Variants in PIEZO1 observed in about 807,000 individuals in gnomAD.
PIEZO1 encodes piezo-type mechanosensitive ion channel component 1.
In PIEZO1, 296 loss-of-function variants were observed where a neutral mutation model predicts 297.2. The observed-to-expected ratio is 1.00, with a 90% CI of 0.91 to 1.10. The LOEUF (loss-of-function observed/expected upper bound fraction) is 1.10, where lower values mean the gene tolerates loss of function less well. Among genes scored for constraint, PIEZO1 ranks in the 50% least tolerant of loss-of-function variants. PIEZO1 has a pLI of 0.00. For missense variants in PIEZO1, 5,018 were observed against 3,455.5 expected (o/e 1.45, Z -11.34); for synonymous variants, 2,427 against 1,507.5 (o/e 1.61, Z -14.13).
rs1353321450 is a variant in PIEZO1 at position 88,727,613 on chromosome 16, A to C, written c.3245T>G (p.Ile1082Ser). Residue 1082 changes from isoleucine (I) to serine (S), a missense_variant, in exon 23 of 51, where the codon ATC becomes AGC. Coordinates refer to ENST00000301015, the MANE Select transcript of PIEZO1 (RefSeq NM_001142864.4). Reference sequence around the variant, plus strand: ...GAAATCAGGCAGGTACAGCCACTTGATGAGTGCGGAGTTCATGGGGACGGC... The same window carrying C: ...GAAATCAGGCAGGTACAGCCACTTGCTGAGTGCGGAGTTCATGGGGACGGC... ...SRAVPMNSAL[I>S]KWLYLPDFFR... 1 of 1,536,644 alleles carries C rather than the reference A, an allele frequency of 6.5e-7. No homozygotes were observed. The highest frequency in any genetic ancestry group is 1.2e-5 in the South Asian group (1 of 82,780).
At chr16:88,723,762 G>A (rs971735039) in intron 31 of PIEZO1, 109 bp downstream of exon 31, 4 of 648,536 alleles carry the variant, frequency 6.2e-6, no homozygotes, top group Non-Finnish European at 1.1e-5. Context: ...TGGAGGTGGA[G>A]GAGCTCGGCT....
chr16:88,715,757 G>A lies in PIEZO1; in HGVS notation c.7414C>T (p.Pro2472Ser), dbSNP rs752052449. Residue 2472 changes from proline (P) to serine (S), a missense_variant, in exon 51 of 51, where the codon CCG (proline) becomes TCG (serine). Coordinates refer to ENST00000301015, the MANE Select transcript of PIEZO1 (RefSeq NM_001142864.4). ...ISHSIMFEEL[P>S]CVDRILKLCQ... is the part of the protein sequence containing the mutation. ...AGCTTGAGGATGCGGTCCACGCACGGCAGCTCCTCGAACATAATGGAGTGC... is the reference window on the plus strand; with the variant it reads ...AGCTTGAGGATGCGGTCCACGCACGACAGCTCCTCGAACATAATGGAGTGC... 1.9e-5 allele frequency: 29 copies of A among 1,550,312 alleles called. No homozygotes were observed. The highest frequency in any genetic ancestry group is 1.7e-4 in the Middle Eastern group (1 of 6,016).
rs1416167316 is a variant in PIEZO1 at position 88,749,378 on chromosome 16, C to T, written c.160+6G>A. The T allele has an allele frequency of 2.0e-6, 3 of 1,490,870 alleles. No homozygotes were observed. The highest frequency in any genetic ancestry group is 2.9e-5 in the African/African-American group (2 of 70,164). The allele number at this position is 1,490,870 out of a possible 1,614,324, so 92.4% of individuals were successfully genotyped here. On this transcript the variant is annotated splice_donor_region_variant and intron_variant, in intron 2 of 50. Coordinates refer to ENST00000301015, the MANE Select transcript of PIEZO1 (RefSeq NM_001142864.4). ...TGAGAGCGTGGGCAGGGTCCCCTGG[C>T]CTTACCTTGGAGGCCGCATCGGGTG... is the stretch of plus-strand genomic sequence containing the variant.
intron 1 of PIEZO1, among the ~76,000 whole-genome samples, chr16:88,764,946 T>C (rs985836379): frequency 1.3e-5 from 2 of 152,188 alleles, no homozygotes; most frequent in South Asian, 2.1e-4. Flanking sequence ...AGCCTGGCCA[T>C]TGAAAACCTC....
intron 2 of PIEZO1, among the ~76,000 whole-genome samples, chr16:88,749,069 C>G (rs1225178738): frequency 6.6e-6 from 1 of 150,854 alleles, no homozygotes; most frequent in African/African-American, 2.4e-5. Flanking sequence ...AACCCCGTCT[C>G]TACTAAAAAT....
At chr16:88,771,640 A>C (rs1167184888) in intron 1 of PIEZO1, among the ~76,000 whole-genome samples, 2 of 152,216 alleles carry the variant, frequency 1.3e-5, no homozygotes, top group Non-Finnish European at 2.9e-5. Flanking sequence ...CTCAGCCCAC[A>C]GTCAGAGCAG....
At chr16:88,777,617 C>A (rs950879786) in intron 1 of PIEZO1, among the ~76,000 whole-genome samples, 7 of 152,390 alleles carry the variant, frequency 4.6e-5, no homozygotes, top group Admixed American at 3.3e-4. Flanking sequence ...TCAAAACTCC[C>A]TTTCATGTTG....
intron 1 of PIEZO1, among the ~76,000 whole-genome samples, chr16:88,782,958 G>T (rs1374790696): frequency 2.0e-5 from 3 of 152,242 alleles, no homozygotes; most frequent in African/African-American, 7.2e-5. Flanking sequence ...CACAGAATCA[G>T]TGTGGGGTAT....
chr16:88,727,778 C>T (rs1042311992), intron 22 of PIEZO1, 117 bp from the exon 23 acceptor site: 20 of 488,660 alleles, frequency 4.1e-5, no homozygotes, highest in Admixed American at 2.6e-4. Flanking sequence ...GGAATCACCT[C>T]GCGCACACCT....
intron 1 of PIEZO1, among the ~76,000 whole-genome samples, chr16:88,775,561 T>A (rs777027647): frequency 5.9e-5 from 9 of 151,944 alleles, no homozygotes; most frequent in African/African-American, 9.7e-5. Context: ...AAACTCCATC[T>A]CCACTAACAA....
In PIEZO1 at chr16:88,721,741, G is replaced by T; in HGVS notation, c.5215-15C>A. The T allele has an allele frequency of 6.5e-7, 1 of 1,535,880 alleles. No homozygotes were observed. The highest frequency in any genetic ancestry group is 8.8e-7 in the Non-Finnish European group (1 of 1,140,052). On this transcript the variant is annotated splice_polypyrimidine_tract_variant and intron_variant, in intron 37 of 50. Transcript: ENST00000301015. The stretch of plus-strand genomic sequence containing the variant: ...ACCACCGCGATCTGTGGGGGAGGGG[G>T]CTCAGCACGCGGGGAGGGTCACGGC...
At chr16:88,725,547 G>A (rs1347483190) in intron 28 of PIEZO1, 28 bp from the exon 29 acceptor site, 4 of 1,535,332 alleles carry the variant, frequency 2.6e-6, no homozygotes, top group Non-Finnish European at 3.5e-6. Context: ...GGGGTATGCT[G>A]AGCATTGGGG....
At chr16:88,756,644 T>G (rs919194448) in intron 1 of PIEZO1, among the ~76,000 whole-genome samples, 1 of 152,090 alleles carries the variant, frequency 6.6e-6, no homozygotes, top group Non-Finnish European at 1.5e-5. Context: ...GGTGGGTGCC[T>G]GTAGTCCCAG....
intron 1 of PIEZO1, among the ~76,000 whole-genome samples, chr16:88,754,471 C>A (rs1042168970): frequency 3.3e-5 from 5 of 152,214 alleles, no homozygotes; most frequent in African/African-American, 9.6e-5. Context: ...GGATGAGACC[C>A]TTGCAGCTGA....
At chr16:88,719,403 A>G (rs1158314357) in intron 44 of PIEZO1, 171 bp downstream of exon 44, 1 of 628,506 alleles carries the variant, frequency 1.6e-6, no homozygotes, top group Non-Finnish European at 2.8e-6. Context: ...GCAGCTGCCA[A>G]GATCACTGGC....
rs1266729062 is a variant in PIEZO1, at chr16:88,719,709, C to T, written c.6336G>A (p.Val2112=). The T allele has an allele frequency of 5.8e-6, 9 of 1,551,266 alleles. No homozygotes were observed. In the East Asian group the frequency reaches 1.5e-4, roughly 25 times the overall value. Residue 2112 remains valine (V), a synonymous_variant, in exon 44 of 51, where the codon GTG becomes GTA. Transcript: ENST00000301015. Reference sequence around the variant, plus strand: ...CTGCCCGCAGCTCCACCAGGAACGGCACCAGCCGGAACCTGCCCACAGCCA... The same window carrying T: ...CTGCCCGCAGCTCCACCAGGAACGGTACCAGCCGGAACCTGCCCACAGCCA... ...NLFLFQGFRL[V]PFLVELRAVM... is the part of the protein sequence containing the mutation.
At chr16:88,734,201 T>G in intron 16 of PIEZO1, 147 bp from the exon 17 acceptor site, 1 of 1,212,402 alleles carries the variant, frequency 8.2e-7, no homozygotes, top group Non-Finnish European at 1.1e-6. Flanking sequence ...ACTGTCCCTG[T>G]GACCTCCACG....
rs138356935 is a variant in PIEZO1 at position 88,757,705 on chromosome 16, G to A, written c.65-8226C>T. 3.5e-3 allele frequency among the ~76,000 whole-genome samples: 537 copies of A among 152,224 alleles called. 2 individuals carry two copies. The highest frequency in any genetic ancestry group is 0.012 in the African/African-American group (512 of 41,552). On this transcript the variant is annotated intron_variant, in intron 1 of 50. Transcript: ENST00000301015. ...CCTGGCCCTGAAGGAGCCAGGCTGC[G>A]GGCCGGAGCTGGGCCAGCTGCCATG...
intron 2 of PIEZO1, 85 bp from the exon 3 acceptor site, chr16:88,742,507 G>A (rs978164921): frequency 7.0e-7 from 1 of 1,430,302 alleles, no homozygotes; most frequent in Non-Finnish European, 9.4e-7. Context: ...ATAGCCCCCA[G>A]CCCGGCCAGA....
Sources: allele counts gnomAD v4.1 joint callset (sites outside exome capture counted in the v4.1 genomes callset), GRCh38; gene constraint gnomAD v4.1.1; transcripts MANE v1.5; gene names NCBI Gene and HGNC (gene_info 2026-07-23, HGNC 2026-07-21).